ALG1: variants seen among roughly 807,000 people sequenced by gnomAD.
ALG1 encodes the protein chitobiosyldiphosphodolichol beta-mannosyltransferase.
In ALG1, 58 loss-of-function variants were observed where a neutral mutation model predicts 55.1. That is an observed-to-expected ratio of 1.05 (90% CI 0.85 to 1.31). The LOEUF is 1.31. ALG1 is among the 50% of genes most tolerant of loss of function. The pLI is 0.00. For synonymous variants in ALG1, 309 were observed against 247.0 expected (o/e 1.25, Z -2.35); for missense variants, 761 against 598.6 (o/e 1.27, Z -2.83).
rs1180515976 is a variant in ALG1, at chr16:5,079,067, A to G, written c.866A>G (p.Asp289Gly). ...LLVSSTSWTE[D>G]EDFSILLAAL... The stretch of plus-strand genomic sequence containing the variant: ...ACATTCAATTCTCTTCTCATAGAGG[A>G]CGAAGACTTCTCCATCCTGCTGGCA... The change falls in exon 8 of 13, where the codon GAC becomes GGC. Residue 289 changes from aspartate (D) to glycine (G), a missense_variant. Physicochemically the swap from Asp to Gly is moderately conservative, Grantham distance 94. Transcript: ENST00000262374. 8.1e-6 allele frequency: 13 copies of G among 1,600,180 alleles called. No homozygotes were observed. The highest frequency in any genetic ancestry group is 1.1e-5 in the Non-Finnish European group (13 of 1,179,700).
chr16:5,076,122 G>C (rs188934574), intron 4 of ALG1, among the ~76,000 whole-genome samples: 3 of 152,322 alleles, frequency 2.0e-5, no homozygotes, highest in Admixed American at 2.0e-4. Flanking sequence ...GGTAGCAGTG[G>C]GACGTGGAGC....
chr16:5,082,734 G>A lies in ALG1; in HGVS notation c.1187+61G>A, dbSNP rs199724986. 2.5e-6 allele frequency: 4 copies of A among 1,595,764 alleles called. No homozygotes were observed. The Admixed American group carries it at 5.0e-5, about 20-fold the overall frequency. Reference sequence around the variant, plus strand: ...TTGCAGATCCACCGCTGAGGGGGAAGCAGTGCAGAGGGAGCTGCCCACAGT... The same window carrying A: ...TTGCAGATCCACCGCTGAGGGGGAAACAGTGCAGAGGGAGCTGCCCACAGT... On this transcript the variant is annotated intron_variant, in intron 11 of 12. Coordinates refer to ENST00000262374, the MANE Select transcript of ALG1 (RefSeq NM_019109.5).
chr16:5,084,611 G>T (rs1596264368), intron 12 of ALG1, 139 bp from the exon 13 acceptor site: 6 of 1,342,570 alleles, frequency 4.5e-6, no homozygotes, highest in Middle Eastern at 5.0e-4. Flanking sequence ...GGGGTGTGAA[G>T]GGTCTCGAGT....
chr16:5,079,657 C>A (rs1956981884), intron 8 of ALG1, 91 bp from the exon 9 acceptor site: 21 of 1,462,122 alleles, frequency 1.4e-5, no homozygotes, highest in Non-Finnish European at 2.0e-5. Context: ...CCATTGCATT[C>A]CAGCCTGGGT....
chr16:5,077,288 A>G (rs977887860), intron 4 of ALG1, among the ~76,000 whole-genome samples, 157 bp from the exon 5 acceptor site: 4 of 152,200 alleles, frequency 2.6e-5, no homozygotes, highest in African/African-American at 7.2e-5. Flanking sequence ...AGGAGGGTAT[A>G]TACAGCATAA....
intron 11 of ALG1, among the ~76,000 whole-genome samples, chr16:5,083,056 T>C (rs1436731793): frequency 6.6e-6 from 1 of 152,214 alleles, no homozygotes; most frequent in Admixed American, 6.5e-5. Context: ...TCTTTGTTTT[T>C]CTCTCCCACC....
chr16:5,073,753 C>T (rs771339590), intron 3 of ALG1, among the ~76,000 whole-genome samples: 7 of 152,244 alleles, frequency 4.6e-5, no homozygotes, highest in Middle Eastern at 3.2e-3. Flanking sequence ...TCGCTCTTGC[C>T]GCCCAGGCTG....
chr16:5,078,364 C>G, intron 6 of ALG1: 2 of 590,924 alleles, frequency 3.4e-6, no homozygotes. Flanking sequence ...GTGGCAGGAT[C>G]TGTGGACCTG....
In ALG1 at chr16:5,078,857, G is replaced by T. The variant is rs553396382; in HGVS notation, c.841G>T (p.Val281Phe). 3.7e-6 allele frequency: 6 copies of T among 1,611,626 alleles called. No individual in the cohort carries two copies. The Admixed American group carries it at 1.0e-4, about 27-fold the overall frequency. ...TCTCCGTGAGCGGCCAGCCCTGCTG[G>T]TCAGCAGCACGAGCTGGACAGGTCT... is the stretch of plus-strand genomic sequence containing the variant. ...TRLRERPALL[V>F]SSTSWTEDED... Residue 281 changes from valine to phenylalanine, a missense_variant, in exon 7 of 13, where the codon GTC becomes TTC. By Grantham distance (50) the Val-to-Phe change is conservative. Coordinates refer to ENST00000262374, the MANE Select transcript of ALG1 (RefSeq NM_019109.5).
At chr16:5,081,940 TTTA>T (rs1403014478) in intron 10 of ALG1, among the ~76,000 whole-genome samples, 2 of 151,882 alleles carry the variant, frequency 1.3e-5, no homozygotes, top group Non-Finnish European at 2.9e-5. Context: ...TGTGCTGTGG[TTTA>T]TTATTATTAT....
In ALG1 at chr16:5,075,398, G is replaced by C. The variant is rs763309062; in HGVS notation, c.401G>C (p.Gly134Ala). ...CTCTATCTTTCCTAGAACCCCCCAG[G>C]TCTGCCTAGCATTGCTGTCTGCTGG... Reference protein sequence around the residue: ...GAYIFLQNPPGLPSIAVCWFV... With the variant: ...GAYIFLQNPPALPSIAVCWFV... The change falls in exon 4 of 13, where the codon GGT becomes GCT. Residue 134 changes from glycine (G) to alanine (A), a missense_variant. Gly to Ala is a moderately conservative substitution (Grantham distance 60). Transcript: ENST00000262374. 10 of 1,614,120 alleles carry C rather than the reference G, an allele frequency of 6.2e-6. No individual in the cohort carries two copies. Among genetic ancestry groups the C allele is most frequent in the South Asian group, 4.4e-5 (4 of 91,082 alleles).
intron 10 of ALG1, 78 bp downstream of exon 10, chr16:5,081,134 C>A: frequency 7.1e-7 from 1 of 1,411,996 alleles, no homozygotes; most frequent in Non-Finnish European, 9.5e-7. Context: ...GAAAAGGTGG[C>A]TCTGGAGGCC....
intron 11 of ALG1, among the ~76,000 whole-genome samples, chr16:5,083,151 C>T (rs141624095): frequency 0.012 from 1,801 of 152,164 alleles, 19 homozygotes; most frequent in Non-Finnish European, 0.015. Flanking sequence ...CCAGCGTAGA[C>T]GGGTGTTTGG....
chr16:5,079,904 T>G, intron 9 of ALG1, 97 bp downstream of exon 9: 8 of 1,452,564 alleles, frequency 5.5e-6, no homozygotes, highest in Non-Finnish European at 7.7e-6. Flanking sequence ...TCTTGTCTCC[T>G]TAATCCTCAC....
chr16:5,072,904 T>C lies in ALG1; in HGVS notation c.209-47T>C, dbSNP rs756762914. On this transcript the variant is annotated intron_variant, in intron 1 of 12. Coordinates refer to ENST00000262374, the MANE Select transcript of ALG1 (RefSeq NM_019109.5). ...CCTGAGTTGGGAGATTATCTGACTT[T>C]AGATTGCTGCTTCTGGTACATTAAA... 6 of 1,546,938 alleles carry C rather than the reference T, an allele frequency of 3.9e-6. No homozygotes were observed. The South Asian group carries it at 6.7e-5, about 17-fold the overall frequency.
intron 5 of ALG1, among the ~76,000 whole-genome samples, 157 bp from the exon 6 acceptor site, chr16:5,077,750 T>C (rs982695749): frequency 2.0e-5 from 3 of 152,236 alleles, no homozygotes; most frequent in African/African-American, 7.2e-5. Context: ...TCCTAGGACG[T>C]CTCTCTGTGC....
At chr16:5,076,613 C>T (rs987328171) in intron 4 of ALG1, among the ~76,000 whole-genome samples, 3 of 152,106 alleles carry the variant, frequency 2.0e-5, no homozygotes, top group Non-Finnish European at 4.4e-5. Context: ...CCCAGAATCG[C>T]GCATGCCGTG....
intron 3 of ALG1, among the ~76,000 whole-genome samples, chr16:5,074,791 T>A (rs1956879419): frequency 6.6e-6 from 1 of 152,252 alleles, no homozygotes; most frequent in South Asian, 2.1e-4. Flanking sequence ...TTAGACCTTT[T>A]TAGAATTTGC....
Position 5,086,234 on chromosome 16 carries a change from C to T in ALG1, c.*1353C>T, listed in dbSNP as rs572405748. On this transcript the variant is annotated 3_prime_UTR_variant, in exon 13 of 13. Transcript: ENST00000262374. The stretch of plus-strand genomic sequence containing the variant: ...CCTGTAATCCCAGCTACTTGGGAGG[C>T]TGAGGTGGGAGAATTGCTTGAACCC... 1.3e-5 allele frequency among the ~76,000 whole-genome samples: 2 copies of T among 151,042 alleles called. No homozygotes were observed. The highest frequency in any genetic ancestry group is 4.9e-5 in the African/African-American group (2 of 41,106).
Sources: gnomAD v4.1 joint callset for allele counts (sites outside exome capture counted in the v4.1 genomes callset) on GRCh38, gnomAD v4.1.1 for gene constraint, MANE v1.5 for transcripts, NCBI Gene and HGNC (gene_info 2026-07-23, HGNC 2026-07-21) for gene names.